Variants in NEK9 observed in about 807,000 individuals in gnomAD.
NEK9 encodes serine/threonine-protein kinase Nek9.
Under a neutral mutation model 123.4 loss-of-function variants are expected in NEK9, and 75 were observed. The ratio of observed to expected loss-of-function variants is 0.61; its 90% CI spans 0.50 to 0.74. NEK9 has a LOEUF of 0.74. Ranked by LOEUF, NEK9 falls within the 30% of genes least tolerant of loss-of-function variation. The pLI, the probability that NEK9 is intolerant of heterozygous loss-of-function variation, is 0.00. For missense variants in NEK9, 952 were observed against 1,214.4 expected (o/e 0.78, Z 3.21); for synonymous variants, 438 against 458.7 (o/e 0.95, Z 0.58).
chr14:75,080,253 C>G lies in NEK9; in HGVS notation c.*4311G>C, dbSNP rs1893830185. The G allele has an allele frequency of 6.6e-6, 1 of 151,502 alleles. No homozygotes were observed. The highest frequency in any genetic ancestry group is 6.6e-5 in the Admixed American group (1 of 15,196). 9.4% of individuals were successfully genotyped at this position (151,502 alleles called of 1,614,324 possible). On this transcript the variant is annotated 3_prime_UTR_variant, in exon 22 of 22. Coordinates refer to ENST00000238616, the MANE Select transcript of NEK9 (RefSeq NM_033116.6). ...GCTGAGGCAGGAGAATTGCTTGAACCCAGGAGGCAGAGGTTGCAGTGAGCT... is the reference window on the plus strand; with the variant it reads ...GCTGAGGCAGGAGAATTGCTTGAACGCAGGAGGCAGAGGTTGCAGTGAGCT...
chr14:75,118,971 A>C (rs367747847), intron 4 of NEK9, 36 bp from the exon 5 acceptor site: 17 of 1,147,356 alleles, frequency 1.5e-5, no homozygotes, highest in Non-Finnish European at 2.1e-5. Flanking sequence ...AAGTTCACAC[A>C]GATAATTGTT....
intron 5 of NEK9, 58 bp from the exon 6 acceptor site, chr14:75,117,384 A>G (rs1594849732): frequency 6.5e-7 from 1 of 1,527,794 alleles, no homozygotes; most frequent in East Asian, 2.3e-5. Context: ...CTATGTTAAC[A>G]TTTCAACAGC....
intron 4 of NEK9, among the ~76,000 whole-genome samples, chr14:75,120,291 G>A (rs1895281330): frequency 6.6e-6 from 1 of 152,160 alleles, no homozygotes; most frequent in South Asian, 2.1e-4. Context: ...AATGACTTCA[G>A]TAGTACTTGG....
At chr14:75,113,513 A>C in intron 7 of NEK9, 110 bp from the exon 8 acceptor site, 1 of 754,864 alleles carries the variant, frequency 1.3e-6, no homozygotes. Flanking sequence ...TTTAAAAATC[A>C]TTTCTTATGT....
chr14:75,103,926 C>A lies in NEK9; in HGVS notation c.1647G>T (p.Gln549His). 6.2e-7 allele frequency: 1 copy of A among 1,614,162 alleles called. No individual in the cohort carries two copies. The highest frequency in any genetic ancestry group is 8.5e-7 in the Non-Finnish European group (1 of 1,180,018). Reference protein sequence around the residue: ...CGCDGTFLLTQSGKVLACGLN... With the variant: ...CGCDGTFLLTHSGKVLACGLN... ...GTCCACAGGCCAGCACTTTGCCTGA[C>A]TGGGTCAACAGAAATGTCCCATCAC... Residue 549 changes from glutamine to histidine, a missense_variant, in exon 14 of 22, where the codon CAG becomes CAT. Physicochemically the swap from Gln to His is conservative, Grantham distance 24. Around this residue, in one of 4 missense-constraint regions of NEK9, gnomAD observed 698 missense variants for 875.6 expected, o/e 0.80. Coordinates refer to ENST00000238616, the MANE Select transcript of NEK9 (RefSeq NM_033116.6).
In NEK9 at chr14:75,114,292, T is replaced by G; in HGVS notation, c.784A>C (p.Lys262Gln). 1 of 1,613,968 alleles carries G rather than the reference T, an allele frequency of 6.2e-7. No homozygotes were observed. Among genetic ancestry groups the G allele is most frequent in the Non-Finnish European group, 8.5e-7 (1 of 1,179,884 alleles). Residue 262 changes from lysine (K) to glutamine (Q), a missense_variant, in exon 7 of 22, where the codon AAG (lysine) becomes CAG (glutamine). Physicochemically the swap from Lys to Gln is moderately conservative, Grantham distance 53 (BLOSUM62 1). Transcript: ENST00000238616. ...DATNPLNLCV[K>Q]IVQGIRAMEV... ...ATGGCCCGAATTCCTTGCACGATCTTCACACACAGGTTAAGTGGGTTCTAT... is the reference window on the plus strand; with the variant it reads ...ATGGCCCGAATTCCTTGCACGATCTGCACACACAGGTTAAGTGGGTTCTAT...
At chr14:75,099,197 C>T (rs1289663319) in intron 16 of NEK9, among the ~76,000 whole-genome samples, 1 of 151,616 alleles carries the variant, frequency 6.6e-6, no homozygotes, top group Non-Finnish European at 1.5e-5. Context: ...TGGTGGCACA[C>T]GCCTGTAATT....
chr14:75,083,269 T>C lies in NEK9; in HGVS notation c.*1295A>G. On this transcript the variant is annotated 3_prime_UTR_variant, in exon 22 of 22. Transcript: ENST00000238616. ...GCTAGGTGGAAATACAAAGCTCACA[T>C]CCTTAAGGAAACCATCAAATACTTG... 2.5e-6 allele frequency: 1 copy of C among 396,686 alleles called. No homozygotes were observed. Among genetic ancestry groups the C allele is most frequent in the Non-Finnish European group, 4.4e-6 (1 of 225,392 alleles). The allele number at this position is 396,686 out of a possible 1,614,324, so 24.6% of individuals were successfully genotyped here. A position where few individuals can be genotyped will look rare whatever the true frequency, so the allele number is the denominator to read the frequency against.
chr14:75,123,083 T>A (rs1895394538), intron 2 of NEK9, among the ~76,000 whole-genome samples: 1 of 151,984 alleles, frequency 6.6e-6, no homozygotes, highest in Non-Finnish European at 1.5e-5. Context: ...GTGTGCACTG[T>A]CCCTGGCCAA....
chr14:75,116,649 A>G (rs1429528955), intron 6 of NEK9: 3 of 190,244 alleles, frequency 1.6e-5, no homozygotes, highest in African/African-American at 7.2e-5. Context: ...TTTTTTTGAG[A>G]CAGGGTCTTG....
At chr14:75,086,921 C>T in intron 21 of NEK9, 97 bp downstream of exon 21, 1 of 1,266,664 alleles carries the variant, frequency 7.9e-7, no homozygotes. Context: ...AAAGTAAGGA[C>T]CTGCAAAGGA....
intron 18 of NEK9, among the ~76,000 whole-genome samples, chr14:75,092,422 A>G (rs768079881): frequency 4.6e-5 from 7 of 151,974 alleles, no homozygotes; most frequent in Non-Finnish European, 1.0e-4. Flanking sequence ...GCCCGCCACC[A>G]TGCCTGGCTA....
At position 75,124,032 on chromosome 14, in the gene NEK9, G is replaced by T; in HGVS notation, c.397+14C>A. 3 of 1,598,284 alleles carry T rather than the reference G, an allele frequency of 1.9e-6. No homozygotes were observed. The highest frequency in any genetic ancestry group is 2.2e-5 in the South Asian group (2 of 90,316). On this transcript the variant is annotated intron_variant, in intron 2 of 21. Coordinates refer to ENST00000238616, the MANE Select transcript of NEK9 (RefSeq NM_033116.6). ...AAAGTCTTGCTGGAAAAGTCCCACT[G>T]AACTCTATCTTACCATTACAATATT...
chr14:75,096,978 C>A (rs1894407014), intron 17 of NEK9, 122 bp downstream of exon 17: 2 of 875,250 alleles, frequency 2.3e-6, no homozygotes, highest in African/African-American at 1.7e-5. Flanking sequence ...TTGACCATTA[C>A]AAGACTTACA....
chr14:75,083,350 A>G lies in NEK9; in HGVS notation c.*1214T>C, dbSNP rs1172511571. The G allele has an allele frequency of 2.9e-6, 1 of 342,736 alleles. No homozygotes were observed. The highest frequency in any genetic ancestry group is 2.1e-5 in the African/African-American group (1 of 47,574). 21.2% of individuals were successfully genotyped at this position (342,736 alleles called of 1,614,324 possible). A position where few individuals can be genotyped will look rare whatever the true frequency, so the allele number is the denominator to read the frequency against. On this transcript the variant is annotated 3_prime_UTR_variant, in exon 22 of 22. Coordinates refer to ENST00000238616, the MANE Select transcript of NEK9 (RefSeq NM_033116.6). ...TCTATGACACTATTTCTCTTTGGTA[A>G]AGCTAGCTTGTTTCTATCTACAAAG...
intron 16 of NEK9, among the ~76,000 whole-genome samples, chr14:75,100,304 A>C (rs914492984): frequency 2.7e-5 from 4 of 150,766 alleles, no homozygotes; most frequent in Non-Finnish European, 5.9e-5. Context: ...AAATTAGCCG[A>C]GTATGGTGGC....
chr14:75,090,098 G>C (rs1894163903), intron 19 of NEK9, among the ~76,000 whole-genome samples: 1 of 151,994 alleles, frequency 6.6e-6, no homozygotes, highest in East Asian at 1.9e-4. Context: ...CTCCCAAAGA[G>C]CTGGGATTAC....
chr14:75,093,133 C>T (rs1470025558), intron 18 of NEK9, among the ~76,000 whole-genome samples: 1 of 152,154 alleles, frequency 6.6e-6, no homozygotes, highest in East Asian at 1.9e-4. Context: ...GCCATATGTG[C>T]CCGCTTAAAC....
intron 4 of NEK9, among the ~76,000 whole-genome samples, chr14:75,120,182 A>G (rs1895278987): frequency 1.3e-5 from 2 of 152,240 alleles, no homozygotes; most frequent in South Asian, 4.1e-4. Flanking sequence ...ATTGCCAATT[A>G]TTATTGCTGT....
Sources: allele counts gnomAD v4.1 joint callset (sites outside exome capture counted in the v4.1 genomes callset), GRCh38; gene constraint gnomAD v4.1.1; regional missense constraint gnomAD v4.1.1; transcripts MANE v1.5; gene names NCBI Gene and HGNC (gene_info 2026-07-23, HGNC 2026-07-21).